The following CR1 variants were observed in gnomAD, a reference collection of about 807,000 sequenced individuals.
The protein encoded by CR1 is complement receptor type 1.
A neutral mutation model predicts 187.3 loss-of-function variants in CR1; 116 were observed. The observed-to-expected ratio is 0.62, with a 90% CI of 0.53 to 0.72. CR1 has a LOEUF of 0.72. CR1 is among the 30% of genes least tolerant of loss of function. The pLI, the probability that CR1 is intolerant of heterozygous loss-of-function variation, is 0.00. For synonymous variants in CR1, 576 were observed against 747.1 expected (o/e 0.77, Z 3.73); for missense variants, 1,731 against 2,110.7 (o/e 0.82, Z 3.52).
chr1:207,567,718 A>C, intron 24 of CR1, 106 bp from the exon 25 acceptor site: 3 of 1,419,704 alleles, frequency 2.1e-6, no homozygotes, highest in Non-Finnish European at 2.9e-6. Context: ...GTCTACTGTC[A>C]TCTCCTTAGC....
At chr1:207,595,201 A>T (rs1661392790) in intron 35 of CR1, among the ~76,000 whole-genome samples, 1 of 151,934 alleles carries the variant, frequency 6.6e-6, no homozygotes, top group African/African-American at 2.4e-5. Context: ...TCCAGAATTC[A>T]TCAAGGACCA....
At chr1:207,633,865 G>T (rs1462556316) in intron 46 of CR1, among the ~76,000 whole-genome samples, 1 of 145,776 alleles carries the variant, frequency 6.9e-6, no homozygotes, top group African/African-American at 2.4e-5. Context: ...AAGGGAGATA[G>T]GGGTGGGGCC....
At chr1:207,584,045 A>T (rs892518743) in intron 32 of CR1, among the ~76,000 whole-genome samples, 1 of 152,162 alleles carries the variant, frequency 6.6e-6, no homozygotes, top group African/African-American at 2.4e-5. Context: ...ATCTCAAAAA[A>T]CCGTAACATT....
rs915904387 is a variant in CR1 at position 207,509,619 on chromosome 1, A to G, written c.402-1950A>G. On this transcript the variant is annotated intron_variant, in intron 3 of 46. Coordinates refer to ENST00000367049, the MANE Select transcript of CR1 (RefSeq NM_000651.6). ...TAAAATGTTCAGTATTACAACACTG[A>G]ACAATAGTATGGAGGAAAAAAAATG... Among the ~76,000 whole-genome samples the G allele has an allele frequency of 1.1e-4, 16 of 152,222 alleles. 1 individual carries two copies. Among genetic ancestry groups the G allele is most frequent in the African/African-American group, 3.9e-4 (16 of 41,454 alleles).
At chr1:207,496,884 T>C (rs983114139) in intron 1 of CR1, among the ~76,000 whole-genome samples, 1 of 152,210 alleles carries the variant, frequency 6.6e-6, no homozygotes, top group African/African-American at 2.4e-5. Context: ...CTCAGTGGCA[T>C]TAAGCCTGTC....
intron 3 of CR1, chr1:207,507,183 G>A (rs1410610669): frequency 1.7e-5 from 3 of 175,692 alleles, no homozygotes; most frequent in Non-Finnish European, 2.4e-5. Flanking sequence ...AACGGTCATA[G>A]CACAAGTAGT....
intron 45 of CR1, among the ~76,000 whole-genome samples, chr1:207,623,836 C>T (rs1011874975): frequency 4.0e-5 from 6 of 150,004 alleles, no homozygotes; most frequent in African/African-American, 1.5e-4. Context: ...CACACATAGG[C>T]TGCCAGTGGG....
intron 46 of CR1, among the ~76,000 whole-genome samples, chr1:207,637,535 T>C (rs537738744): frequency 1.2e-4 from 19 of 152,370 alleles, no homozygotes; most frequent in African/African-American, 4.6e-4. Context: ...CCGCTTACCA[T>C]GTGATAAGTG....
chr1:207,575,285 A>T (rs1046894540), intron 27 of CR1, among the ~76,000 whole-genome samples: 5 of 152,178 alleles, frequency 3.3e-5, no homozygotes, highest in African/African-American at 7.2e-5. Flanking sequence ...TTAGAGAAAG[A>T]TAGAATTTAA....
chr1:207,597,637 A>C (rs978211016), intron 35 of CR1, among the ~76,000 whole-genome samples: 3 of 152,244 alleles, frequency 2.0e-5, no homozygotes, highest in Non-Finnish European at 4.4e-5. Context: ...GAACGCTTAT[A>C]CATTGCTGGT....
chr1:207,498,887 A>AAAAG lies in CR1; in HGVS notation c.121+2502_121+2503insGAAA, dbSNP rs1553284417. ...AGCGCAACTCCAAATCAAAAAAAAA[A>AAAAG]AAAAAAGAAACAAACAAACAAAACA... On this transcript the variant is annotated intron_variant, in intron 1 of 46. Transcript: ENST00000367049. Among the ~76,000 whole-genome samples the AAAAG allele has an allele frequency of 3.2e-4, 48 of 149,248 alleles. 2 individuals are homozygous for AAAAG. Among genetic ancestry groups the AAAAG allele is most frequent in the African/African-American group, 1.2e-3 (48 of 40,832 alleles).
At chr1:207,611,901 T>C in intron 38 of CR1, 38 bp from the exon 39 acceptor site, 1 of 1,613,918 alleles carries the variant, frequency 6.2e-7, no homozygotes, top group Non-Finnish European at 8.5e-7. Flanking sequence ...CCCCTTCACA[T>C]GGAGGACTTA....
At chr1:207,638,433 C>T (rs933844348) in intron 46 of CR1, among the ~76,000 whole-genome samples, 9 of 143,262 alleles carry the variant, frequency 6.3e-5, no homozygotes, top group African/African-American at 2.6e-4. Flanking sequence ...CTGTAACAGC[C>T]TTTAGTTTAG....
chr1:207,503,352 T>G (rs1360877074), intron 1 of CR1, among the ~76,000 whole-genome samples: 1 of 152,238 alleles, frequency 6.6e-6, no homozygotes, highest in East Asian at 1.9e-4. Context: ...TTCCTATTGC[T>G]GCTGTAACAA....
rs774772673 is a variant in CR1 at position 207,639,442 on chromosome 1, T to C, written c.*33T>C. On this transcript the variant is annotated 3_prime_UTR_variant, in exon 47 of 47. Transcript: ENST00000367049. ...CTATACAGCTGAAGAACATCTCGAA[T>C]ACAATTTTGGTGGGAAAGGAGCCAA... 1.3e-6 allele frequency: 2 copies of C among 1,586,816 alleles called. No homozygotes were observed. The highest frequency in any genetic ancestry group is 8.6e-7 in the Non-Finnish European group (1 of 1,164,436).
chr1:207,496,368 T>A lies in CR1; in HGVS notation c.101T>A (p.Leu34His). 6.2e-7 allele frequency: 1 copy of A among 1,610,804 alleles called. No homozygotes were observed. ...TCCCTGCTGGCGGTTGTGGTGCTGC[T>A]TGCGCTGCCGGTGGCCTGGGGTGAG... ...GGSLLAVVVL[L>H]ALPVAWGQCN... Residue 34 changes from leucine to histidine, a missense_variant, in exon 1 of 47, where the codon CTT (leucine) becomes CAT (histidine). By Grantham distance (99) the Leu-to-His change is moderately conservative (BLOSUM62 -3). Around this residue, in one of 5 missense-constraint regions of CR1, gnomAD observed 237 missense variants for 240.4 expected, o/e 0.99. Coordinates refer to ENST00000367049, the MANE Select transcript of CR1 (RefSeq NM_000651.6).
At chr1:207,524,846 C>G (rs372911807) in intron 5 of CR1, among the ~76,000 whole-genome samples, 3 of 151,850 alleles carry the variant, frequency 2.0e-5, no homozygotes, top group South Asian at 4.1e-4. Flanking sequence ...TAGATACTTT[C>G]AAGGAGGGAG....
chr1:207,509,804 A>G (rs1485962226), intron 3 of CR1, among the ~76,000 whole-genome samples: 1 of 152,204 alleles, frequency 6.6e-6, no homozygotes, highest in East Asian at 1.9e-4. Context: ...AGGTGCACAT[A>G]TAGGATTGCA....
intron 32 of CR1, among the ~76,000 whole-genome samples, 168 bp downstream of exon 32, chr1:207,582,171 A>G (rs148454771): frequency 7.9e-4 from 120 of 152,326 alleles, no homozygotes; most frequent in African/African-American, 2.8e-3. Context: ...AATAAACATG[A>G]GAATCATGTG....
Sources: allele counts gnomAD v4.1 joint callset (sites outside exome capture counted in the v4.1 genomes callset), GRCh38; gene constraint gnomAD v4.1.1; regional missense constraint gnomAD v4.1.1; transcripts MANE v1.5; gene names NCBI Gene and HGNC (gene_info 2026-07-23, HGNC 2026-07-21).